IGFL2: variants seen among roughly 807,000 people sequenced by gnomAD.
The protein encoded by IGFL2 is insulin growth factor-like family member 2.
Under a neutral mutation model 13.9 loss-of-function variants are expected in IGFL2, and 7 were observed. The observed-to-expected ratio is 0.51, with a 90% CI of 0.29 to 0.95. The LOEUF (loss-of-function observed/expected upper bound fraction) is 0.95. Among genes scored for constraint, IGFL2 ranks in the 40% least tolerant of loss-of-function variants. The pLI, the probability that IGFL2 is intolerant of heterozygous loss-of-function variation, is 0.08. For missense variants in IGFL2, 138 were observed against 147.8 expected, an observed-to-expected ratio of 0.93 and a Z score of 0.34; for synonymous variants, 55 against 55.8, an observed-to-expected ratio of 0.99 and a Z score of 0.07.
chr19:46,081,833 T>C, the IGFL2 span, among the ~76,000 whole-genome samples: 1 of 152,240 alleles, frequency 6.6e-6, no homozygotes, highest in Non-Finnish European at 1.5e-5. Context: ...CTTGTTTATC[T>C]AAGGGCTCAC....
At chr19:46,199,845 C>G in the IGFL2 span, among the ~76,000 whole-genome samples, 1 of 152,214 alleles carries the variant, frequency 6.6e-6, no homozygotes, top group Non-Finnish European at 1.5e-5. Flanking sequence ...AGAAGGAAGC[C>G]AGGCCATGCC....
At chr19:46,138,112 A>G (rs990019192), upstream of IGFL2, among the ~76,000 whole-genome samples, 2 of 152,188 alleles carry the variant, frequency 1.3e-5, no homozygotes, top group Non-Finnish European at 1.5e-5. Flanking sequence ...TAGAGTTGCC[A>G]GAGTTCTTGT....
At chr19:46,087,405 C>T in the IGFL2 span, among the ~76,000 whole-genome samples, 114 of 152,286 alleles carry the variant, frequency 7.5e-4, no homozygotes, top group Non-Finnish European at 1.4e-3. Context: ...GACCAGGTTG[C>T]GTGATCTGCA....
the IGFL2 span, among the ~76,000 whole-genome samples, chr19:46,182,299 A>G: frequency 3.3e-5 from 5 of 150,320 alleles, no homozygotes; most frequent in African/African-American, 1.2e-4. Flanking sequence ...CCTGGAAGGC[A>G]GAGGTTGTGG....
rs10408440 is a variant in IGFL2 at position 46,161,285 on chromosome 19, A to G, written c.*197A>G. On this transcript the variant is annotated 3_prime_UTR_variant, in exon 4 of 4. Coordinates refer to ENST00000377693, the MANE Select transcript of IGFL2 (RefSeq NM_001135113.2). ...GGAAATAAATAAAGTGGTTTTTCCAATGTACACACCTGTACCCAATGTCGT... is the reference window on the plus strand; with the variant it reads ...GGAAATAAATAAAGTGGTTTTTCCAGTGTACACACCTGTACCCAATGTCGT... 0.013 allele frequency: 7,090 copies of G among 566,408 alleles called. 386 individuals are homozygous for G. Among genetic ancestry groups the G allele is most frequent in the African/African-American group, 0.12 (6,264 of 53,094 alleles). The allele number at this position is 566,408 out of a possible 1,614,324, so 35.1% of individuals were successfully genotyped here. A position where few individuals can be genotyped will look rare whatever the true frequency, so the allele number is the denominator to read the frequency against.
upstream of IGFL2, among the ~76,000 whole-genome samples, chr19:46,144,474 C>T (rs952985730): frequency 6.6e-5 from 10 of 152,082 alleles, no homozygotes; most frequent in African/African-American, 2.4e-4. Context: ...CATATCATAC[C>T]ATATCTCATA....
At chr19:46,108,639 T>C in the IGFL2 span, among the ~76,000 whole-genome samples, 1 of 150,818 alleles carries the variant, frequency 6.6e-6, no homozygotes, top group Admixed American at 6.6e-5. Context: ...CCAGGGGAGG[T>C]GGTGCTTGCC....
chr19:46,096,701 A>G, the IGFL2 span, among the ~76,000 whole-genome samples: 1 of 152,140 alleles, frequency 6.6e-6, no homozygotes, highest in African/African-American at 2.4e-5. Flanking sequence ...ATCAATACCT[A>G]GTTTACTGAG....
At chr19:46,167,317 C>T in the IGFL2 span, among the ~76,000 whole-genome samples, 1 of 152,172 alleles carries the variant, frequency 6.6e-6, no homozygotes, top group Non-Finnish European at 1.5e-5. Flanking sequence ...CAATAATGTC[C>T]TGCGTGTGTG....
chr19:46,149,146 C>G (rs547637877), intron 1 of IGFL2: 93 of 215,392 alleles, frequency 4.3e-4, no homozygotes, highest in African/African-American at 2.4e-3. Flanking sequence ...CCATCTCTCT[C>G]TCTCCCTCTC....
At chr19:46,079,300 A>C in the IGFL2 span, among the ~76,000 whole-genome samples, 14 of 152,210 alleles carry the variant, frequency 9.2e-5, no homozygotes, top group Non-Finnish European at 1.3e-4. Context: ...AATCCTCTGC[A>C]ATGGTTTGTT....
chr19:46,110,678 TG>T, the IGFL2 span, among the ~76,000 whole-genome samples: 1 of 152,232 alleles, frequency 6.6e-6, no homozygotes, highest in Non-Finnish European at 1.5e-5. Flanking sequence ...CAATGTTTAC[TG>T]TAGGTGTTTG....
At chr19:46,196,581 G>A in the IGFL2 span, among the ~76,000 whole-genome samples, 23 of 152,244 alleles carry the variant, frequency 1.5e-4, no homozygotes, top group Admixed American at 1.4e-3. Flanking sequence ...CCCGACCCCA[G>A]CTGAGCCTCC....
the IGFL2 span, among the ~76,000 whole-genome samples, chr19:46,089,139 T>G: frequency 1.3e-5 from 2 of 152,196 alleles, no homozygotes; most frequent in Non-Finnish European, 2.9e-5. Flanking sequence ...TTTTGTGTTT[T>G]TATCTACTAT....
At chr19:46,101,473 G>T in the IGFL2 span, among the ~76,000 whole-genome samples, 4 of 152,326 alleles carry the variant, frequency 2.6e-5, no homozygotes, top group South Asian at 8.3e-4. Context: ...GGATGGGTCA[G>T]GGTCCAGCCT....
chr19:46,088,411 A>G, the IGFL2 span, among the ~76,000 whole-genome samples: 1 of 152,196 alleles, frequency 6.6e-6, no homozygotes, highest in African/African-American at 2.4e-5. Context: ...GACTTTATTC[A>G]GCACCACTGA....
upstream of IGFL2, among the ~76,000 whole-genome samples, chr19:46,139,331 C>T (rs550009404): frequency 1.4e-3 from 119 of 83,320 alleles, 1 homozygote; most frequent in Middle Eastern, 0.026. Flanking sequence ...CTCCTCTCCC[C>T]AATCAAAACC....
chr19:46,167,963 A>G, the IGFL2 span, among the ~76,000 whole-genome samples: 2 of 152,220 alleles, frequency 1.3e-5, no homozygotes, highest in Admixed American at 6.5e-5. Flanking sequence ...TAAGCCACCC[A>G]GTCTGTGGTA....
At chr19:46,186,044 T>A in the IGFL2 span, among the ~76,000 whole-genome samples, 8 of 152,240 alleles carry the variant, frequency 5.3e-5, no homozygotes, top group African/African-American at 1.9e-4. Flanking sequence ...CTAATCGTTC[T>A]CCAGGTCTCG....
Sources: allele counts gnomAD v4.1 joint callset (sites outside exome capture counted in the v4.1 genomes callset), GRCh38; gene constraint gnomAD v4.1.1; transcripts MANE v1.5; gene names NCBI Gene and HGNC (gene_info 2026-07-23, HGNC 2026-07-21).